The following PRKG1 variants were observed in gnomAD, a reference collection of about 807,000 sequenced individuals.
PRKG1 encodes the protein cGMP-dependent protein kinase 1.
Under a neutral mutation model 88.1 loss-of-function variants are expected in PRKG1, and 35 were observed. The ratio of observed to expected loss-of-function variants is 0.40; its 90% CI spans 0.30 to 0.53. The LOEUF (loss-of-function observed/expected upper bound fraction) is 0.53, where lower values mean the gene tolerates loss of function less well. Ranked by LOEUF, PRKG1 falls within the 20% of genes least tolerant of loss-of-function variation. PRKG1 has a pLI of 0.59. For synonymous variants in PRKG1, 303 were observed against 292.5 expected, an observed-to-expected ratio of 1.04 and a Z score of -0.37; for missense variants, 540 against 839.8, an observed-to-expected ratio of 0.64 and a Z score of 4.41.
intron 9 of PRKG1, among the ~76,000 whole-genome samples, chr10:52,188,834 G>A (rs368685273): frequency 6.6e-6 from 1 of 152,058 alleles, no homozygotes; most frequent in Non-Finnish European, 1.5e-5. Flanking sequence ...TAATGTACTG[G>A]TAGTATTATC....
chr10:51,812,060 A>C (rs1839470848), intron 4 of PRKG1, among the ~76,000 whole-genome samples: 3 of 152,236 alleles, frequency 2.0e-5, no homozygotes, highest in Admixed American at 6.5e-5. Flanking sequence ...GGTTGGTGCA[A>C]GAGTAATTGC....
At chr10:51,211,416 T>G (rs1244119880) in intron 2 of PRKG1, among the ~76,000 whole-genome samples, 2 of 152,210 alleles carry the variant, frequency 1.3e-5, no homozygotes, top group Non-Finnish European at 2.9e-5. Context: ...AAGACAGGGA[T>G]GCCCTCTCTC....
intron 2 of PRKG1, among the ~76,000 whole-genome samples, chr10:51,160,115 A>T (rs1456784174): frequency 1.3e-5 from 2 of 152,176 alleles, no homozygotes; most frequent in Non-Finnish European, 2.9e-5. Context: ...GAGTCTGTGA[A>T]TCTGTGAACT....
At chr10:51,822,290 C>T (rs938791853) in intron 4 of PRKG1, among the ~76,000 whole-genome samples, 4 of 151,848 alleles carry the variant, frequency 2.6e-5, no homozygotes, top group Non-Finnish European at 5.9e-5. Context: ...GCATTGAGGA[C>T]ATTGTGCTAA....
intron 7 of PRKG1, among the ~76,000 whole-genome samples, chr10:52,115,502 A>T (rs1236565606): frequency 6.6e-6 from 1 of 152,056 alleles, no homozygotes; most frequent in African/African-American, 2.4e-5. Context: ...TGACATGACC[A>T]TCTCACTTTC....
At chr10:51,970,134 A>G (rs1843674215) in intron 5 of PRKG1, among the ~76,000 whole-genome samples, 1 of 151,806 alleles carries the variant, frequency 6.6e-6, no homozygotes, top group Non-Finnish European at 1.5e-5. Flanking sequence ...AAATACTACA[A>G]TGTGTCTTCC....
At chr10:51,425,939 A>G (rs1470349078) in intron 2 of PRKG1, among the ~76,000 whole-genome samples, 2 of 152,214 alleles carry the variant, frequency 1.3e-5, no homozygotes, top group Non-Finnish European at 2.9e-5. Context: ...ATCTGCATTT[A>G]AAATATAATG....
intron 5 of PRKG1, among the ~76,000 whole-genome samples, chr10:52,054,139 G>A (rs1846053015): frequency 6.6e-6 from 1 of 152,278 alleles, no homozygotes; most frequent in East Asian, 1.9e-4. Flanking sequence ...AAGGTATGAT[G>A]TAATCACCTA....
intron 7 of PRKG1, among the ~76,000 whole-genome samples, chr10:52,085,815 C>G (rs1270763684): frequency 6.6e-6 from 1 of 152,028 alleles, no homozygotes; most frequent in Non-Finnish European, 1.5e-5. Flanking sequence ...TATTTGCATT[C>G]CCCCTTTCCC....
chr10:51,995,552 T>TTGTG (rs150174634), intron 5 of PRKG1, among the ~76,000 whole-genome samples: 4 of 150,352 alleles, frequency 2.7e-5, no homozygotes, highest in African/African-American at 9.7e-5. Context: ...TTATGTTAAA[T>TTGTG]TGTGTGTGTG....
At chr10:51,305,140 G>A (rs1333984955) in intron 2 of PRKG1, among the ~76,000 whole-genome samples, 1 of 152,102 alleles carries the variant, frequency 6.6e-6, no homozygotes, top group Non-Finnish European at 1.5e-5. Context: ...CATCCTATAG[G>A]AGCATAATCA....
intron 5 of PRKG1, among the ~76,000 whole-genome samples, chr10:52,000,880 A>C (rs1429245230): frequency 1.3e-5 from 2 of 152,060 alleles, no homozygotes; most frequent in African/African-American, 4.8e-5. Flanking sequence ...AAAGTCAAAA[A>C]GTTTTAATAA....
intron 2 of PRKG1, among the ~76,000 whole-genome samples, chr10:51,247,572 T>A (rs1373796830): frequency 6.6e-6 from 1 of 151,976 alleles, no homozygotes; most frequent in East Asian, 1.9e-4. Context: ...ATTGTTTGCC[T>A]TTTCAGCTAA....
intron 7 of PRKG1, among the ~76,000 whole-genome samples, chr10:52,102,822 G>C (rs1208747503): frequency 6.6e-6 from 1 of 152,008 alleles, no homozygotes; most frequent in Non-Finnish European, 1.5e-5. Flanking sequence ...GACTGCTTTT[G>C]AATTATTTTA....
chr10:51,898,879 T>C (rs906771731), intron 4 of PRKG1, among the ~76,000 whole-genome samples: 4 of 152,194 alleles, frequency 2.6e-5, no homozygotes, highest in African/African-American at 9.6e-5. Flanking sequence ...GCATTTTATC[T>C]ACTTATAACC....
At chr10:51,220,306 C>T (rs1308100654) in intron 2 of PRKG1, among the ~76,000 whole-genome samples, 1 of 152,124 alleles carries the variant, frequency 6.6e-6, no homozygotes, top group Non-Finnish European at 1.5e-5. Context: ...AGAACCCAGC[C>T]AAACCCACCT....
At chr10:51,769,217 C>T (rs566765983) in intron 3 of PRKG1, among the ~76,000 whole-genome samples, 20 of 152,244 alleles carry the variant, frequency 1.3e-4, no homozygotes, top group African/African-American at 4.1e-4. Flanking sequence ...GCCTTGAAAT[C>T]GGCGTCAGAG....
At chr10:51,101,295 A>G (rs1286071353) in intron 1 of PRKG1, among the ~76,000 whole-genome samples, 1 of 152,166 alleles carries the variant, frequency 6.6e-6, no homozygotes, top group African/African-American at 2.4e-5. Context: ...CCATGTACGG[A>G]CACAACAGGA....
chr10:51,681,232 A>G (rs1408135412), intron 3 of PRKG1, among the ~76,000 whole-genome samples: 3 of 152,162 alleles, frequency 2.0e-5, no homozygotes, highest in Non-Finnish European at 4.4e-5. Context: ...TGACAGGCTA[A>G]GTTCTCAATA....
Sources: gnomAD v4.1 joint callset for allele counts (sites outside exome capture counted in the v4.1 genomes callset) on GRCh38, gnomAD v4.1.1 for gene constraint, MANE v1.5 for transcripts, NCBI Gene and HGNC (gene_info 2026-07-23, HGNC 2026-07-21) for gene names.